Variants in WDFY4 observed in about 807,000 individuals in gnomAD.
WDFY4 encodes the protein WDFY family member 4.
A neutral mutation model predicts 351.9 loss-of-function variants in WDFY4; 169 were observed. The ratio of observed to expected loss-of-function variants is 0.48; its 90% CI spans 0.42 to 0.55. The LOEUF is 0.55. Ranked by LOEUF, WDFY4 falls within the 20% of genes least tolerant of loss-of-function variation. The pLI is 0.00. For missense variants in WDFY4, 3,803 were observed against 3,935.6 expected, an observed-to-expected ratio of 0.97 and a Z score of 0.90; for synonymous variants, 1,622 against 1,574.6, an observed-to-expected ratio of 1.03 and a Z score of -0.71.
rs1840882056 is a variant in WDFY4, at chr10:48,943,405, C to G, written c.7705C>G (p.Gln2569Glu). The change falls in exon 49 of 62, where the codon CAG (glutamine) becomes GAG (glutamate). Residue 2569 changes from glutamine (Q) to glutamate (E), a missense_variant. Transcript: ENST00000325239. ...TGGGAGAACCTGCAATGACTACATGCAGTACCCAGTGTTCCCCTGGGTCCT... is the reference window on the plus strand; with the variant it reads ...TGGGAGAACCTGCAATGACTACATGGAGTACCCAGTGTTCCCCTGGGTCCT... The part of the protein sequence containing the change: ...AAGRTCNDYM[Q>E]YPVFPWVLAD... The G allele has an allele frequency of 6.4e-7, 1 of 1,551,866 alleles. No individual in the cohort carries two copies. The highest frequency in any genetic ancestry group is 2.4e-5 in the East Asian group (1 of 40,928).
intron 33 of WDFY4, among the ~76,000 whole-genome samples, chr10:48,820,693 G>A (rs1300912603): frequency 6.6e-6 from 1 of 152,166 alleles, no homozygotes; most frequent in Non-Finnish European, 1.5e-5. Flanking sequence ...GTTCTCAGGA[G>A]AAGCAGGGAG....
At chr10:48,745,697 A>T (rs1386644569) in intron 12 of WDFY4, 1 of 569,666 alleles carries the variant, frequency 1.8e-6, no homozygotes, top group Non-Finnish European at 3.3e-6. Flanking sequence ...ACTGCCTGGT[A>T]CTTCCAGCCA....
chr10:48,897,694 C>T, intron 45 of WDFY4, 120 bp downstream of exon 45: 1 of 1,424,662 alleles, frequency 7.0e-7, no homozygotes, highest in Non-Finnish European at 9.3e-7. Flanking sequence ...ATGCACAGCC[C>T]AGTGCCCTTA....
At chr10:48,879,221 C>T (rs2070149148) in intron 43 of WDFY4, among the ~76,000 whole-genome samples, 2 of 152,242 alleles carry the variant, frequency 1.3e-5, no homozygotes, top group Non-Finnish European at 2.9e-5. Context: ...GGGGGCAACT[C>T]TACCCCACAA....
At chr10:48,759,997 AGT>A (rs375855392) in intron 12 of WDFY4, among the ~76,000 whole-genome samples, 3 of 151,580 alleles carry the variant, frequency 2.0e-5, no homozygotes, top group African/African-American at 7.3e-5. Flanking sequence ...TGTGTGAGTG[AGT>A]GTGTGTGTGT....
At chr10:48,783,341 GTATTTTTTATTGTTATAGCAC>G (rs1245729881) in intron 19 of WDFY4, among the ~76,000 whole-genome samples, 2 of 151,828 alleles carry the variant, frequency 1.3e-5, no homozygotes, top group African/African-American at 4.8e-5. Flanking sequence ...TTTTTTATTT[GTATTTTTTATTGTTATAGCAC>G]TATTTTTTAT....
At chr10:48,714,922 C>G (rs2063859973) in intron 2 of WDFY4, among the ~76,000 whole-genome samples, 1 of 152,358 alleles carries the variant, frequency 6.6e-6, no homozygotes, top group African/African-American at 2.4e-5. Context: ...CCCCTTGAAT[C>G]TAGATGGATT....
chr10:48,978,242 C>T, intron 59 of WDFY4, 67 bp from the exon 60 acceptor site: 1 of 1,504,366 alleles, frequency 6.6e-7, no homozygotes, highest in Non-Finnish European at 9.0e-7. Flanking sequence ...AGGAAATGGA[C>T]TAGGCCACTC....
At chr10:48,954,986 A>C (rs189846516) in intron 51 of WDFY4, among the ~76,000 whole-genome samples, 70 of 152,292 alleles carry the variant, frequency 4.6e-4, no homozygotes, top group African/African-American at 1.6e-3. Context: ...ATTTTTATTT[A>C]ATACAGGTAA....
rs184221280 is a variant in WDFY4, at chr10:48,716,581, C to T, written c.235-3430C>T. Among the ~76,000 whole-genome samples, 352 of 152,288 alleles carry T rather than the reference C, an allele frequency of 2.3e-3. 1 individual carries two copies. The highest frequency in any genetic ancestry group is 8.1e-3 in the African/African-American group (337 of 41,546). On this transcript the variant is annotated intron_variant, in intron 2 of 61. Transcript: ENST00000325239. ...TTGGCTCTGTGCATCAAACAGCACCCCGGTGGCCTGAAAGAGTTAACGCAG... is the reference window on the plus strand; with the variant it reads ...TTGGCTCTGTGCATCAAACAGCACCTCGGTGGCCTGAAAGAGTTAACGCAG...
intron 13 of WDFY4, 32 bp downstream of exon 13, chr10:48,760,472 T>G (rs1017886288): frequency 6.5e-7 from 1 of 1,546,214 alleles, no homozygotes; most frequent in African/African-American, 1.4e-5. Flanking sequence ...TGTTTTGTCA[T>G]CTTCACATGA....
rs373608510 is a variant in WDFY4, at chr10:48,729,465, G to C, written c.1005G>C (p.Pro335=). The part of the protein sequence containing the change: ...YDGLTQSEVD[P]HLEELLGLVV... Reference sequence around the variant, plus strand: ...GGCTGACCCAGAGCGAAGTGGACCCGCATCTGGAGGAGCTCCTTGGGCTGG... The same window carrying C: ...GGCTGACCCAGAGCGAAGTGGACCCCCATCTGGAGGAGCTCCTTGGGCTGG... The change falls in exon 8 of 62, where the codon CCG becomes CCC. Residue 335 remains proline, a synonymous_variant. Transcript: ENST00000325239. The C allele has an allele frequency of 6.4e-7, 1 of 1,551,490 alleles. No individual in the cohort carries two copies. The highest frequency in any genetic ancestry group is 1.2e-5 in the South Asian group (1 of 84,050).
intron 15 of WDFY4, among the ~76,000 whole-genome samples, chr10:48,776,437 A>C (rs2066032751): frequency 6.6e-6 from 1 of 152,126 alleles, no homozygotes; most frequent in Non-Finnish European, 1.5e-5. Flanking sequence ...AGCTCCAGTG[A>C]GTAACTCCAA....
Position 48,693,139 on chromosome 10 carries a change from G to T in WDFY4, c.-18+8138G>T, listed in dbSNP as rs192653274. On this transcript the variant is annotated intron_variant, in intron 1 of 61. Transcript: ENST00000325239. ...GTGCAGGGAGGAATTAGGCAAGGAG[G>T]GGGTTGAGTCCTATCATCAGGGCCA... 2.0e-5 allele frequency among the ~76,000 whole-genome samples: 3 copies of T among 152,174 alleles called. No individual in the cohort carries two copies. The East Asian group carries it at 5.8e-4, about 29-fold the overall frequency.
At chr10:48,736,215 G>A (rs1224385548) in intron 11 of WDFY4, 145 bp downstream of exon 11, 2 of 893,296 alleles carry the variant, frequency 2.2e-6, no homozygotes, top group African/African-American at 1.7e-5. Context: ...GTCAGGTGCT[G>A]TAACAAATAA....
At chr10:48,752,164 C>A (rs118187772) in intron 12 of WDFY4, among the ~76,000 whole-genome samples, 4 of 152,194 alleles carry the variant, frequency 2.6e-5, no homozygotes. Context: ...TACCTTACAG[C>A]AATGCTTCTC....
At chr10:48,977,183 C>A in intron 59 of WDFY4, 1 of 376,326 alleles carries the variant, frequency 2.7e-6, no homozygotes, top group Non-Finnish European at 4.6e-6. Context: ...ATTACACACA[C>A]AGACACACAC....
At chr10:48,898,942 C>G (rs781773268) in intron 45 of WDFY4, among the ~76,000 whole-genome samples, 1 of 151,392 alleles carries the variant, frequency 6.6e-6, no homozygotes, top group Non-Finnish European at 1.5e-5. Context: ...CCGTGTCCTG[C>G]CTTTCCACTA....
At chr10:48,974,118 C>T (rs934055229) in intron 57 of WDFY4, among the ~76,000 whole-genome samples, 2 of 152,156 alleles carry the variant, frequency 1.3e-5, no homozygotes, top group Non-Finnish European at 2.9e-5. Context: ...GGAGTGGAAC[C>T]CAAGAATTTG....
Sources: gnomAD v4.1 joint callset for allele counts (sites outside exome capture counted in the v4.1 genomes callset) on GRCh38, gnomAD v4.1.1 for gene constraint, MANE v1.5 for transcripts, NCBI Gene and HGNC (gene_info 2026-07-23, HGNC 2026-07-21) for gene names.